Variants in ADRB3 observed in about 807,000 individuals in gnomAD.
The protein encoded by ADRB3 is adrenoceptor beta 3.
A neutral mutation model predicts 23.8 loss-of-function variants in ADRB3; 33 were observed. That is an observed-to-expected ratio of 1.38 (90% CI 1.05 to 1.85). ADRB3 has a LOEUF of 1.85. Ranked by LOEUF, ADRB3 falls within the 40% of genes most tolerant of loss-of-function variation. ADRB3 has a pLI of 0.00. For missense variants in ADRB3, 600 were observed against 579.6 expected, an observed-to-expected ratio of 1.04 and a Z score of -0.36; for synonymous variants, 289 against 273.0, an observed-to-expected ratio of 1.06 and a Z score of -0.58.
intron 1 of ADRB3, 50 bp downstream of exon 1, chr8:37,965,215 C>T: frequency 2.8e-6 from 4 of 1,445,938 alleles, no homozygotes; most frequent in Admixed American, 2.7e-5. Context: ...ACGGACACAT[C>T]GCATGCTTCC....
At position 37,963,511 on chromosome 8, in the gene ADRB3, G is replaced by A. The variant is rs1457950894; in HGVS notation, c.*707C>T. The A allele has an allele frequency of 6.6e-6, 1 of 152,404 alleles. No individual in the cohort carries two copies. The highest frequency in any genetic ancestry group is 2.4e-5 in the African/African-American group (1 of 41,454). The allele number at this position is 152,404 out of a possible 1,614,324, so 9.4% of individuals were successfully genotyped here. ...AAGCCAGCGCAGAGTAGAAGGGAAG[G>A]GAGTAAGTGGATTATGAAAAGAAAA... On this transcript the variant is annotated 3_prime_UTR_variant, in exon 2 of 2. Transcript: ENST00000345060.
rs1361238274 is a variant in ADRB3 at position 37,966,527 on chromosome 8, C to G, written c.-58G>C. 1.3e-6 allele frequency: 2 copies of G among 1,523,104 alleles called. No individual in the cohort carries two copies. The highest frequency in any genetic ancestry group is 1.8e-6 in the Non-Finnish European group (2 of 1,140,560). The allele number at this position is 1,523,104 out of a possible 1,614,324, so 94.3% of individuals were successfully genotyped here. ...AGGAAGGAGGGGGTCTCCCAAATCA[C>G]CTGGCTCAGGGGAGGGGACAGCAAG... On this transcript the variant is annotated 5_prime_UTR_variant, in exon 1 of 2. Coordinates refer to ENST00000345060, the MANE Select transcript of ADRB3 (RefSeq NM_000025.3).
rs1196664028 is a variant in ADRB3 at position 37,965,703 on chromosome 8, C to A, written c.767G>T (p.Arg256Leu). ...PPEESPPAPS[R>L]SLAPAPVGTC... ...CCCCACCGGGGCCGGGGCCAGAGAGCGCGACGGCGCCGGCGGAGACTCCTC... is the reference window on the plus strand; with the variant it reads ...CCCCACCGGGGCCGGGGCCAGAGAGAGCGACGGCGCCGGCGGAGACTCCTC... The change falls in exon 1 of 2, where the codon CGC becomes CTC. Residue 256 changes from arginine to leucine, a missense_variant. Coordinates refer to ENST00000345060, the MANE Select transcript of ADRB3 (RefSeq NM_000025.3). 2 of 1,545,282 alleles carry A rather than the reference C, an allele frequency of 1.3e-6. No homozygotes were observed. The highest frequency in any genetic ancestry group is 1.4e-5 in the African/African-American group (1 of 72,810).
rs745554541 is a variant in ADRB3, at chr8:37,966,167, G to A, written c.303C>T (p.Gly101=). 16 of 1,610,058 alleles carry A rather than the reference G, an allele frequency of 9.9e-6. No homozygotes were observed. Among genetic ancestry groups the A allele is most frequent in the South Asian group, 3.3e-5 (3 of 90,622 alleles). The change falls in exon 1 of 2, where the codon GGC becomes GGT. Residue 101 remains glycine, a synonymous_variant. Transcript: ENST00000345060. ...AGCCAGTGGCGCCCAACGGCCAGTG[G>A]CCAGTCAGCGCCAAGGTGGCCGCCG... is the stretch of plus-strand genomic sequence containing the variant. ...VPPAATLALT[G]HWPLGATGCE...
rs1056491821 is a variant in ADRB3 at position 37,965,262 on chromosome 8, T to C, written c.1205+3A>G. On this transcript the variant is annotated splice_donor_region_variant and intron_variant, in intron 1 of 1. Coordinates refer to ENST00000345060, the MANE Select transcript of ADRB3 (RefSeq NM_000025.3). ...CGCCGGTCCCTCTGCCCCGGTTACC[T>C]ACCCGTCGAGCCGTTGGCAAAGCCT... is the stretch of plus-strand genomic sequence containing the variant. 6.0e-6 allele frequency: 9 copies of C among 1,509,372 alleles called. No homozygotes were observed. In the Admixed American group the frequency reaches 7.3e-5, roughly 12 times the overall value. The allele number at this position is 1,509,372 out of a possible 1,614,324, so 93.5% of individuals were successfully genotyped here.
rs1313324948 is a variant in ADRB3 at position 37,966,364 on chromosome 8, C to T, written c.106G>A (p.Glu36Lys). The T allele has an allele frequency of 6.2e-7, 1 of 1,611,354 alleles. No homozygotes were observed. ...NTSGLPGVPW[E>K]AALAGALLAL... is the part of the protein sequence containing the mutation. Reference sequence around the variant, plus strand: ...AGCAGGGCCCCGGCTAGGGCCGCCTCCCACGGAACCCCTGGCAGCCCACTG... The same window carrying T: ...AGCAGGGCCCCGGCTAGGGCCGCCTTCCACGGAACCCCTGGCAGCCCACTG... Residue 36 changes from glutamate to lysine, a missense_variant, in exon 1 of 2, where the codon GAG becomes AAG. Coordinates refer to ENST00000345060, the MANE Select transcript of ADRB3 (RefSeq NM_000025.3).
rs201017062 is a variant in ADRB3 at position 37,966,048 on chromosome 8, T to C, written c.422A>G (p.Asn141Ser). The C allele has an allele frequency of 5.0e-6, 8 of 1,593,304 alleles. 1 individual carries two copies. The South Asian group carries it at 9.1e-5, about 18-fold the overall frequency. Residue 141 changes from asparagine to serine, a missense_variant, in exon 1 of 2, where the codon AAC becomes AGC. Coordinates refer to ENST00000345060, the MANE Select transcript of ADRB3 (RefSeq NM_000025.3). The stretch of plus-strand genomic sequence containing the variant: ...GACCAGTGCGCCGTAACGCAGCGGG[T>C]TGGTCACAGCCAGGTAGCGGTCCAC... ...LAVDRYLAVT[N>S]PLRYGALVTK...
Position 37,964,045 on chromosome 8 carries a change from G to A in ADRB3, c.*173C>T. The A allele has an allele frequency of 1.7e-6, 1 of 595,670 alleles. No homozygotes were observed. The highest frequency in any genetic ancestry group is 1.9e-5 in the African/African-American group (1 of 53,222). The allele number at this position is 595,670 out of a possible 1,614,324, so 36.9% of individuals were successfully genotyped here. On this transcript the variant is annotated 3_prime_UTR_variant, in exon 2 of 2. Coordinates refer to ENST00000345060, the MANE Select transcript of ADRB3 (RefSeq NM_000025.3). ...ACATCTCTCAGACAGAGAGCAAGAGGATGGTGAAAACCCACTTGGTAAGGA... is the reference window on the plus strand; with the variant it reads ...ACATCTCTCAGACAGAGAGCAAGAGAATGGTGAAAACCCACTTGGTAAGGA...
Position 37,964,010 on chromosome 8 carries a change from G to A in ADRB3, c.*208C>T, listed in dbSNP as rs1041983321. The A allele has an allele frequency of 3.7e-6, 2 of 539,130 alleles. No individual in the cohort carries two copies. The highest frequency in any genetic ancestry group is 6.7e-6 in the Non-Finnish European group (2 of 299,080). 33.4% of individuals were successfully genotyped at this position (539,130 alleles called of 1,614,324 possible). A position where few individuals can be genotyped will look rare whatever the true frequency, so the allele number is the denominator to read the frequency against. ...AGGGAGGAGTGAAGTTCAAGGCTGG[G>A]GTTTAGAAAACATCTCTCAGACAGA... On this transcript the variant is annotated 3_prime_UTR_variant, in exon 2 of 2. Transcript: ENST00000345060.
At position 37,965,324 on chromosome 8, in the gene ADRB3, C is replaced by T. The variant is rs761861539; in HGVS notation, c.1146G>A (p.Ser382=). ...CAAARPALFP[S]GVPAARSSPA... ...GGCTGCTCCGGGCCGCAGGAACGCC[C>T]GAGGGGAAGAGGGCCGGGCGGGCGG... The change falls in exon 1 of 2, where the codon TCG becomes TCA. Residue 382 remains serine (S), a synonymous_variant. Transcript: ENST00000345060. 6.5e-7 allele frequency: 1 copy of T among 1,542,826 alleles called. No homozygotes were observed. Among genetic ancestry groups the T allele is most frequent in the South Asian group, 1.2e-5 (1 of 82,940 alleles).
Position 37,965,552 on chromosome 8 carries a change from C to A in ADRB3, c.918G>T (p.Leu306Phe). Residue 306 changes from leucine to phenylalanine, a missense_variant, in exon 1 of 2, where the codon TTG becomes TTT. Coordinates refer to ENST00000345060, the MANE Select transcript of ADRB3 (RefSeq NM_000025.3). ...GCAGCACGTTGGCCAGAAAGAAGGGCAACCAGCAGAGAGTGAAGGTGCCCA... is the reference window on the plus strand; with the variant it reads ...GCAGCACGTTGGCCAGAAAGAAGGGAAACCAGCAGAGAGTGAAGGTGCCCA... ...LIMGTFTLCW[L>F]PFFLANVLRA... The A allele has an allele frequency of 6.4e-7, 1 of 1,550,776 alleles. No homozygotes were observed. The highest frequency in any genetic ancestry group is 8.7e-7 in the Non-Finnish European group (1 of 1,146,976).
Position 37,965,613 on chromosome 8 carries a change from C to A in ADRB3, c.857G>T (p.Arg286Leu), listed in dbSNP as rs1194156196. 6.5e-7 allele frequency: 1 copy of A among 1,542,242 alleles called. No homozygotes were observed. Among genetic ancestry groups the A allele is most frequent in the East Asian group, 2.5e-5 (1 of 40,026 alleles). ...CAAGGTGCACAGGGCCCGGTGTTCC[C>A]GGAGAGGCAGGAGGCGCGCGGGCCG... ...GRRPARLLPL[R>L]EHRALCTLGL... is the part of the protein sequence containing the mutation. Residue 286 changes from arginine to leucine, a missense_variant, in exon 1 of 2, where the codon CGG becomes CTG. Coordinates refer to ENST00000345060, the MANE Select transcript of ADRB3 (RefSeq NM_000025.3).
intron 1 of ADRB3, among the ~76,000 whole-genome samples, 165 bp from the exon 2 acceptor site, chr8:37,964,404 C>T (rs1276771264): frequency 6.6e-6 from 1 of 152,034 alleles, no homozygotes; most frequent in East Asian, 1.9e-4. Context: ...TCCAACCCAG[C>T]CCAGGGAGCG....
rs1384096066 is a variant in ADRB3 at position 37,965,706 on chromosome 8, G to C, written c.764C>G (p.Ser255Trp). The C allele has an allele frequency of 3.9e-6, 6 of 1,545,880 alleles. No homozygotes were observed. Among genetic ancestry groups the C allele is most frequent in the Non-Finnish European group, 5.2e-6 (6 of 1,144,488 alleles). Residue 255 changes from serine to tryptophan, a missense_variant, in exon 1 of 2, where the codon TCG becomes TGG. Physicochemically the swap from Ser to Trp is radical, Grantham distance 177 (BLOSUM62 -3). Transcript: ENST00000345060. ...FPPEESPPAP[S>W]RSLAPAPVGT... is the part of the protein sequence containing the mutation. ...CACCGGGGCCGGGGCCAGAGAGCGC[G>C]ACGGCGCCGGCGGAGACTCCTCGGG... is the stretch of plus-strand genomic sequence containing the variant.
At position 37,963,965 on chromosome 8, in the gene ADRB3, G is replaced by T; in HGVS notation, c.*253C>A. 1 of 456,048 alleles carries T rather than the reference G, an allele frequency of 2.2e-6. No individual in the cohort carries two copies. The highest frequency in any genetic ancestry group is 2.7e-5 in the South Asian group (1 of 36,586). The allele number at this position is 456,048 out of a possible 1,614,324, so 28.3% of individuals were successfully genotyped here. On this transcript the variant is annotated 3_prime_UTR_variant, in exon 2 of 2. Coordinates refer to ENST00000345060, the MANE Select transcript of ADRB3 (RefSeq NM_000025.3). ...ACCAAAGCCAGCCTGCTGCTCCACG[G>T]CACCTGGACACTACCACTGAGGGAG...
In ADRB3 at chr8:37,966,369, G is replaced by A; in HGVS notation, c.101C>T (p.Pro34Leu). The change falls in exon 1 of 2, where the codon CCG (proline) becomes CTG (leucine). Residue 34 changes from proline (P) to leucine (L), a missense_variant. Transcript: ENST00000345060. Reference sequence around the variant, plus strand: ...GGCCCCGGCTAGGGCCGCCTCCCACGGAACCCCTGGCAGCCCACTGGTGTT... The same window carrying A: ...GGCCCCGGCTAGGGCCGCCTCCCACAGAACCCCTGGCAGCCCACTGGTGTT... The part of the protein sequence containing the change: ...TANTSGLPGV[P>L]WEAALAGALL... The A allele has an allele frequency of 6.2e-7, 1 of 1,611,078 alleles. No individual in the cohort carries two copies. Among genetic ancestry groups the A allele is most frequent in the African/African-American group, 1.3e-5 (1 of 75,038 alleles).
In ADRB3 at chr8:37,966,028, G is replaced by A. The variant is rs372753560; in HGVS notation, c.442C>T (p.Leu148=). The change falls in exon 1 of 2, where the codon CTG becomes TTG. Residue 148 remains leucine, a synonymous_variant. Transcript: ENST00000345060. ...GTCCGGGCGCAGCGCTTGGTGACCA[G>A]TGCGCCGTAACGCAGCGGGTTGGTC... ...AVTNPLRYGA[L]VTKRCARTAV... 10 of 1,581,288 alleles carry A rather than the reference G, an allele frequency of 6.3e-6. No individual in the cohort carries two copies. The highest frequency in any genetic ancestry group is 8.6e-6 in the Non-Finnish European group (10 of 1,163,670).
Position 37,964,204 on chromosome 8 carries a change from C to T in ADRB3, c.*14G>A, listed in dbSNP as rs1356858209. On this transcript the variant is annotated 3_prime_UTR_variant, in exon 2 of 2. Coordinates refer to ENST00000345060, the MANE Select transcript of ADRB3 (RefSeq NM_000025.3). ...GTTCTGATCAACAGAGTTGTTGCTT[C>T]TTGTCCTTCAGGCCTAAGAAACTCC... is the stretch of plus-strand genomic sequence containing the variant. The T allele has an allele frequency of 8.7e-6, 14 of 1,612,922 alleles. No individual in the cohort carries two copies. The highest frequency in any genetic ancestry group is 1.2e-5 in the Non-Finnish European group (14 of 1,179,022).
In ADRB3 at chr8:37,965,376, C is replaced by T. The variant is rs1221982595; in HGVS notation, c.1094G>A (p.Arg365His). The change falls in exon 1 of 2, where the codon CGT (arginine) becomes CAT (histidine). Residue 365 changes from arginine to histidine, a missense_variant. Arg to His is a conservative substitution (Grantham distance 29). Transcript: ENST00000345060. The stretch of plus-strand genomic sequence containing the variant: ...GGCGCAGGGCTCCGGAGGCAGGCGA[C>T]GGCCGCAGCGGCACAGAAGACGGCG... The part of the protein sequence containing the change: ...AFRRLLCRCG[R>H]RLPPEPCAAA... 6 of 1,547,204 alleles carry T rather than the reference C, an allele frequency of 3.9e-6. No homozygotes were observed. The highest frequency in any genetic ancestry group is 1.4e-5 in the African/African-American group (1 of 72,808).
Sources: gnomAD v4.1 joint callset for allele counts (sites outside exome capture counted in the v4.1 genomes callset) on GRCh38, gnomAD v4.1.1 for gene constraint, MANE v1.5 for transcripts, NCBI Gene and HGNC (gene_info 2026-07-23, HGNC 2026-07-21) for gene names.